The following ESR1 variants were observed in gnomAD, a reference collection of about 807,000 sequenced individuals.
ESR1 encodes estrogen receptor.
Under a neutral mutation model 52.7 loss-of-function variants are expected in ESR1, and 12 were observed. The observed-to-expected ratio is 0.23, with a 90% CI of 0.15 to 0.37. ESR1 has a LOEUF of 0.37. Ranked by LOEUF, ESR1 falls within the 10% of genes least tolerant of loss-of-function variation. The pLI is 1.00. For synonymous variants in ESR1, 305 were observed against 316.8 expected, an observed-to-expected ratio of 0.96 and a Z score of 0.39; for missense variants, 584 against 779.7, an observed-to-expected ratio of 0.75 and a Z score of 2.99.
chr6:152,028,672 G>A (rs1450527744), intron 5 of ESR1, among the ~76,000 whole-genome samples: 2 of 152,198 alleles, frequency 1.3e-5, no homozygotes, highest in African/African-American at 2.4e-5. Context: ...GGAGCCCACC[G>A]CAGCTCAAGG....
At chr6:152,019,839 G>A (rs1026707008) in intron 5 of ESR1, among the ~76,000 whole-genome samples, 1 of 152,046 alleles carries the variant, frequency 6.6e-6, no homozygotes, top group Non-Finnish European at 1.5e-5. Context: ...TTTAAGAGGG[G>A]GTTGGCCACT....
rs17081795 is a variant in ESR1 at position 151,846,367 on chromosome 6, A to G, written c.643+3580A>G. Among the ~76,000 whole-genome samples, 399 of 152,310 alleles carry G rather than the reference A, an allele frequency of 2.6e-3. 1 individual carries two copies. The highest frequency in any genetic ancestry group is 4.3e-3 in the Admixed American group (66 of 15,294). ...GTGTGTATAAAAGGGAAATACCACAACAAGTTTAAGGGTTTCTAGTTCTGC... is the reference window on the plus strand; with the variant it reads ...GTGTGTATAAAAGGGAAATACCACAGCAAGTTTAAGGGTTTCTAGTTCTGC... On this transcript the variant is annotated intron_variant, in intron 2 of 7. Transcript: ENST00000206249.
intron 1 of ESR1, among the ~76,000 whole-genome samples, chr6:151,670,370 A>G (rs1253176527): frequency 6.6e-6 from 1 of 152,036 alleles, no homozygotes. Flanking sequence ...TCACTTGGTG[A>G]TTCCTTGTTT....
At chr6:151,806,557 T>TATATATATATACAC (rs1554259008), upstream of ESR1, among the ~76,000 whole-genome samples, 80 of 133,780 alleles carry the variant, frequency 6.0e-4, no homozygotes, top group East Asian at 2.7e-3. Flanking sequence ...TATATATATA[T>TATATATATATACAC]ACACATATAT....
At chr6:152,030,123 C>A (rs1187602417) in intron 5 of ESR1, among the ~76,000 whole-genome samples, 8 of 152,164 alleles carry the variant, frequency 5.3e-5, no homozygotes, top group Non-Finnish European at 1.5e-5. Context: ...GCCTGCCCTA[C>A]AAGAGCTCCT....
intron 4 of ESR1, among the ~76,000 whole-genome samples, chr6:151,956,857 T>TATAA (rs1189553665): frequency 6.1e-5 from 5 of 81,630 alleles, no homozygotes; most frequent in African/African-American, 1.7e-4. Context: ...TATATATATA[T>TATAA]ATATAAATAT....
intron 6 of ESR1, among the ~76,000 whole-genome samples, chr6:152,073,388 G>T (rs1197566722): frequency 6.6e-6 from 1 of 152,128 alleles, no homozygotes; most frequent in Non-Finnish European, 1.5e-5. Flanking sequence ...CATGACCAAG[G>T]CAGAGAACTT....
intron 1 of ESR1, among the ~76,000 whole-genome samples, chr6:151,825,805 G>A (rs529159018): frequency 6.0e-5 from 9 of 150,858 alleles, no homozygotes; most frequent in Non-Finnish European, 1.2e-4. Flanking sequence ...GAGCTCTTCG[G>A]GAGGCTGAGA....
chr6:152,011,594 A>G, intron 4 of ESR1, 62 bp from the exon 5 acceptor site: 2 of 1,600,846 alleles, frequency 1.2e-6, no homozygotes, highest in South Asian at 1.1e-5. Context: ...CTGTTGCATT[A>G]ATTTCACCAG....
At chr6:152,082,891 G>A (rs1468455356) in intron 6 of ESR1, among the ~76,000 whole-genome samples, 2 of 152,030 alleles carry the variant, frequency 1.3e-5, no homozygotes, top group African/African-American at 4.8e-5. Context: ...AAATACCTAG[G>A]AATCCAACTT....
rs1447298812 is a variant in ESR1 at position 152,122,780 on chromosome 6, C to T, written c.851-2486C>T. ...GGAAGCTAAAGGGCCATGCCAAGCA[C>T]ACCCCAGCCTGGCGATCAGCTGCCA... On this transcript the variant is annotated intron_variant, in intron 6 of 6. Transcript: ENST00000427531. 2.6e-6 allele frequency: 4 copies of T among 1,564,752 alleles called. No individual in the cohort carries two copies. The South Asian group carries it at 3.4e-5, about 13-fold the overall frequency.
At chr6:151,703,561 G>A (rs1779953837) in intron 2 of ESR1, among the ~76,000 whole-genome samples, 1 of 152,206 alleles carries the variant, frequency 6.6e-6, no homozygotes, top group South Asian at 2.1e-4. Context: ...TTACTTCCAA[G>A]TGGAAGGCGC....
chr6:152,063,314 T>C (rs1157140485), intron 6 of ESR1, among the ~76,000 whole-genome samples: 1 of 152,220 alleles, frequency 6.6e-6, no homozygotes, highest in East Asian at 1.9e-4. Flanking sequence ...TTTCATGAGA[T>C]AACACAGCGG....
intron 2 of ESR1, among the ~76,000 whole-genome samples, chr6:151,873,800 G>A (rs1281622494): frequency 6.6e-6 from 1 of 152,188 alleles, no homozygotes; most frequent in Non-Finnish European, 1.5e-5. Flanking sequence ...AAGGAAGTCA[G>A]ATTTTGACAT....
intron 2 of ESR1, among the ~76,000 whole-genome samples, chr6:151,746,979 A>G (rs574152858): frequency 5.9e-5 from 9 of 152,256 alleles, no homozygotes; most frequent in African/African-American, 1.4e-4. Flanking sequence ...AGGAAAAGCC[A>G]TATAAGATTT....
chr6:151,973,732 A>G (rs1485811803), intron 4 of ESR1, among the ~76,000 whole-genome samples: 1 of 152,160 alleles, frequency 6.6e-6, no homozygotes, highest in Non-Finnish European at 1.5e-5. Context: ...AATAAGTATG[A>G]ATGCCACCTT....
At chr6:151,849,376 T>C (rs961264765) in intron 2 of ESR1, among the ~76,000 whole-genome samples, 2 of 152,148 alleles carry the variant, frequency 1.3e-5, no homozygotes, top group African/African-American at 4.8e-5. Flanking sequence ...CCGGATGTGG[T>C]GGCTCATGCC....
chr6:151,739,269 G>A (rs1282554195), intron 2 of ESR1, among the ~76,000 whole-genome samples: 4 of 152,176 alleles, frequency 2.6e-5, no homozygotes, highest in Non-Finnish European at 5.9e-5. Flanking sequence ...GGCATGAAAA[G>A]CATTTAGCAA....
intron 1 of ESR1, among the ~76,000 whole-genome samples, chr6:151,698,456 A>G (rs2115399531): frequency 6.6e-6 from 1 of 152,240 alleles, no homozygotes; most frequent in Non-Finnish European, 1.5e-5. Context: ...TAAAAGACAG[A>G]CATGTTTTCA....
Sources: allele counts gnomAD v4.1 joint callset (sites outside exome capture counted in the v4.1 genomes callset), GRCh38; gene constraint gnomAD v4.1.1; transcripts MANE v1.5; gene names NCBI Gene and HGNC (gene_info 2026-07-23, HGNC 2026-07-21).